Variants in CCSER1 observed in about 807,000 individuals in gnomAD.
CCSER1 encodes coiled-coil serine rich protein 1, also known as serine-rich coiled-coil domain-containing protein 1.
Under a neutral mutation model 82.0 loss-of-function variants are expected in CCSER1, and 41 were observed. The ratio of observed to expected loss-of-function variants is 0.50; its 90% CI spans 0.39 to 0.65. CCSER1 has a LOEUF of 0.65. CCSER1 is among the 30% of genes least tolerant of loss of function. The pLI, the probability that CCSER1 is intolerant of heterozygous loss-of-function variation, is 0.00. For missense variants in CCSER1, 1,119 were observed against 1,064.2 expected (o/e 1.05, Z -0.72); for synonymous variants, 414 against 383.9 (o/e 1.08, Z -0.92).
intron 9 of CCSER1, among the ~76,000 whole-genome samples, chr4:90,997,954 A>G (rs1048208557): frequency 6.6e-6 from 1 of 152,206 alleles, no homozygotes; most frequent in Non-Finnish European, 1.5e-5. Context: ...TGCTAATGTG[A>G]TCTTGGTATC....
chr4:91,296,486 T>TATATATATATATATATA (rs1578139948), intron 10 of CCSER1, among the ~76,000 whole-genome samples: 3 of 140,546 alleles, frequency 2.1e-5, no homozygotes, highest in Non-Finnish European at 4.6e-5. Flanking sequence ...TATATATATA[T>TATATATATATATATATA]TTTAATTAAA....
intron 1 of CCSER1, among the ~76,000 whole-genome samples, chr4:90,180,839 A>G (rs1181711004): frequency 6.6e-6 from 1 of 152,148 alleles, no homozygotes; most frequent in Non-Finnish European, 1.5e-5. Context: ...ACACTTCAAA[A>G]TGAACATCAT....
intron 9 of CCSER1, among the ~76,000 whole-genome samples, chr4:90,953,344 T>TG (rs1277156923): frequency 6.6e-6 from 1 of 151,274 alleles, no homozygotes; most frequent in Non-Finnish European, 1.5e-5. Flanking sequence ...TTTCATTGAT[T>TG]TTTTTTTATT....
chr4:90,806,807 G>C (rs796936611), intron 7 of CCSER1, among the ~76,000 whole-genome samples: 9 of 151,970 alleles, frequency 5.9e-5, no homozygotes, highest in African/African-American at 2.2e-4. Flanking sequence ...TTGGCTCATA[G>C]AGAATTTGTT....
intron 3 of CCSER1, among the ~76,000 whole-genome samples, chr4:90,371,689 G>A (rs1178880983): frequency 6.6e-6 from 1 of 152,100 alleles, no homozygotes; most frequent in Non-Finnish European, 1.5e-5. Flanking sequence ...TGTTTTTATT[G>A]TGGACAAACA....
intron 1 of CCSER1, among the ~76,000 whole-genome samples, chr4:90,148,272 A>G (rs192699368): frequency 2.0e-5 from 3 of 152,298 alleles, no homozygotes; most frequent in Non-Finnish European, 4.4e-5. Context: ...ACTCAAATAA[A>G]CACATGTGCA....
At chr4:91,032,627 T>G (rs2150558465) in intron 9 of CCSER1, among the ~76,000 whole-genome samples, 1 of 152,330 alleles carries the variant, frequency 6.6e-6, no homozygotes, top group Admixed American at 6.5e-5. Context: ...GCTGAATGTT[T>G]AAAGTAATAA....
At chr4:90,249,548 T>C (rs1053616614) in intron 1 of CCSER1, among the ~76,000 whole-genome samples, 4 of 152,312 alleles carry the variant, frequency 2.6e-5, no homozygotes, top group Admixed American at 6.5e-5. Context: ...TCTGTCTCTA[T>C]AGATTTACTT....
chr4:90,186,854 G>A (rs975907451), intron 1 of CCSER1, among the ~76,000 whole-genome samples: 1 of 151,660 alleles, frequency 6.6e-6, no homozygotes, highest in African/African-American at 2.4e-5. Flanking sequence ...TCCCCCCCAT[G>A]GTGTAGTGTA....
intron 10 of CCSER1, among the ~76,000 whole-genome samples, chr4:91,268,638 C>T (rs909558671): frequency 1.3e-5 from 2 of 151,896 alleles, no homozygotes; most frequent in African/African-American, 4.8e-5. Context: ...TGGCTGAGTC[C>T]GTAAAGACAG....
At chr4:90,337,092 T>TG (rs1740543600) in intron 3 of CCSER1, among the ~76,000 whole-genome samples, 2 of 152,224 alleles carry the variant, frequency 1.3e-5, no homozygotes, top group Admixed American at 1.3e-4. Flanking sequence ...GCTCTTCCCA[T>TG]GTACCAGTTC....
chr4:91,107,648 T>A (rs568509443), intron 10 of CCSER1, among the ~76,000 whole-genome samples: 1 of 151,634 alleles, frequency 6.6e-6, no homozygotes, highest in Admixed American at 6.6e-5. Flanking sequence ...TCTTTTTTTT[T>A]TTTTTTTTGA....
At chr4:91,591,248 T>A (rs1175463449) in intron 10 of CCSER1, among the ~76,000 whole-genome samples, 1 of 152,284 alleles carries the variant, frequency 6.6e-6, no homozygotes, top group Admixed American at 6.6e-5. Flanking sequence ...AAGATTTATT[T>A]ATAAATTTCA....
chr4:90,600,761 C>G (rs1035907703), intron 5 of CCSER1, among the ~76,000 whole-genome samples: 1 of 151,442 alleles, frequency 6.6e-6, no homozygotes, highest in Non-Finnish European at 1.5e-5. Flanking sequence ...AAAAATCCTG[C>G]TAGGATTTTG....
At chr4:90,781,806 T>A in intron 7 of CCSER1, 1 of 957,684 alleles carries the variant, frequency 1.0e-6, no homozygotes, top group Non-Finnish European at 1.2e-6. Context: ...ATAACTTTTA[T>A]GTTTGCCTTG....
intron 10 of CCSER1, among the ~76,000 whole-genome samples, chr4:91,233,882 G>T (rs1560533861): frequency 6.6e-6 from 1 of 151,706 alleles, no homozygotes; most frequent in South Asian, 2.1e-4. Flanking sequence ...CAACAACAGT[G>T]TATAATTTAG....
At chr4:91,057,830 C>T (rs1030890826) in intron 9 of CCSER1, among the ~76,000 whole-genome samples, 3 of 152,112 alleles carry the variant, frequency 2.0e-5, no homozygotes, top group African/African-American at 7.2e-5. Flanking sequence ...GTATGTTTCT[C>T]CTTTTTTCCA....
chr4:90,228,111 G>A (rs916744521), intron 1 of CCSER1, among the ~76,000 whole-genome samples: 9 of 152,202 alleles, frequency 5.9e-5, no homozygotes, highest in African/African-American at 2.2e-4. Context: ...CCAACTGGGT[G>A]GAGCCCACCA....
intron 1 of CCSER1, among the ~76,000 whole-genome samples, chr4:90,200,037 C>T (rs1286988645): frequency 6.7e-6 from 1 of 149,180 alleles, no homozygotes; most frequent in African/African-American, 2.5e-5. Context: ...AGGCACCCTC[C>T]ACTCCCTGAC....
Sources: gnomAD v4.1 joint callset for allele counts (sites outside exome capture counted in the v4.1 genomes callset) on GRCh38, gnomAD v4.1.1 for gene constraint, MANE v1.5 for transcripts, NCBI Gene and HGNC (gene_info 2026-07-23, HGNC 2026-07-21) for gene names.